Variants in ST7 observed in about 807,000 individuals in gnomAD.
ST7 encodes the protein suppressor of tumorigenicity 7 protein.
A neutral mutation model predicts 78.7 loss-of-function variants in ST7; 28 were observed. That is an observed-to-expected ratio of 0.36 (90% CI 0.26 to 0.49). The LOEUF (loss-of-function observed/expected upper bound fraction) is 0.49, where lower values mean the gene tolerates loss of function less well. Among genes scored for constraint, ST7 ranks in the 20% least tolerant of loss-of-function variants. The pLI, the probability that ST7 is intolerant of heterozygous loss-of-function variation, is 0.99. For missense variants in ST7, 418 were observed against 696.0 expected, an observed-to-expected ratio of 0.60 and a Z score of 4.49; for synonymous variants, 247 against 249.6, an observed-to-expected ratio of 0.99 and a Z score of 0.10.
At chr7:117,099,956 A>G (rs1271419985) in intron 2 of ST7, 112 bp downstream of exon 2, 3 of 722,502 alleles carry the variant, frequency 4.2e-6, no homozygotes, top group Non-Finnish European at 6.5e-6. Context: ...TACAGTGATT[A>G]TCTTGCACAT....
chr7:117,097,908 A>ATATATATATATATATTTT, intron 1 of ST7, among the ~76,000 whole-genome samples: 9 of 30,010 alleles, frequency 3.0e-4, no homozygotes, highest in East Asian at 1.7e-3. Flanking sequence ...ATATATATAT[A>ATATATATATATATATTTT]TTTTTTTTTT....
intron 13 of ST7, among the ~76,000 whole-genome samples, chr7:117,213,664 C>T (rs1792466680): frequency 6.6e-6 from 1 of 151,908 alleles, no homozygotes; most frequent in African/African-American, 2.4e-5. Flanking sequence ...AAAACTGAAT[C>T]CTCAACCACA....
chr7:117,086,423 C>G (rs1800152888), intron 1 of ST7, among the ~76,000 whole-genome samples: 1 of 152,176 alleles, frequency 6.6e-6, no homozygotes, highest in African/African-American at 2.4e-5. Flanking sequence ...TTCTAAGGAT[C>G]TAGGCGTTAG....
chr7:117,056,666 TAAAG>T (rs1471153850), intron 1 of ST7, among the ~76,000 whole-genome samples: 3 of 151,706 alleles, frequency 2.0e-5, no homozygotes, highest in South Asian at 2.1e-4. Context: ...TTAAAAAAAA[TAAAG>T]AAGATAAAAT....
intron 1 of ST7, among the ~76,000 whole-genome samples, chr7:117,078,302 C>A (rs998101833): frequency 2.6e-5 from 4 of 152,174 alleles, no homozygotes; most frequent in African/African-American, 9.7e-5. Flanking sequence ...GGCATTTTAA[C>A]AATTTAACAG....
At chr7:117,009,237 A>C (rs1795276455) in intron 1 of ST7, among the ~76,000 whole-genome samples, 1 of 147,914 alleles carries the variant, frequency 6.8e-6, no homozygotes, top group East Asian at 2.0e-4. Flanking sequence ...TTCCTTAAAG[A>C]ACTTCTCCAC....
chr7:116,963,940 A>G (rs1018952057), intron 1 of ST7, among the ~76,000 whole-genome samples: 2 of 152,122 alleles, frequency 1.3e-5, no homozygotes, highest in African/African-American at 4.8e-5. Flanking sequence ...CTAATAAAAG[A>G]CTGTGGTTAA....
At chr7:117,114,576 TAAG>T (rs1258615388) in intron 2 of ST7, among the ~76,000 whole-genome samples, 1 of 152,216 alleles carries the variant, frequency 6.6e-6, no homozygotes, top group Non-Finnish European at 1.5e-5. Flanking sequence ...CTTTAATTCT[TAAG>T]AAGCACTTAG....
At chr7:116,989,085 A>G (rs1342408991) in intron 1 of ST7, among the ~76,000 whole-genome samples, 1 of 152,218 alleles carries the variant, frequency 6.6e-6, no homozygotes, top group Non-Finnish European at 1.5e-5. Context: ...AACAGATAAA[A>G]TCAATTTTTG....
intron 1 of ST7, among the ~76,000 whole-genome samples, chr7:117,034,865 A>G (rs1180195947): frequency 6.6e-6 from 1 of 152,208 alleles, no homozygotes; most frequent in African/African-American, 2.4e-5. Context: ...TCACTATGTA[A>G]GAAGGGAAAT....
chr7:117,044,067 T>C (rs1797366450), intron 1 of ST7, among the ~76,000 whole-genome samples: 1 of 152,190 alleles, frequency 6.6e-6, no homozygotes, highest in Admixed American at 6.5e-5. Flanking sequence ...TACGTTGTTC[T>C]TTCTCAGTAC....
At chr7:117,220,039 C>T (rs1250053125) in intron 14 of ST7, among the ~76,000 whole-genome samples, 1 of 152,150 alleles carries the variant, frequency 6.6e-6, no homozygotes, top group Non-Finnish European at 1.5e-5. Flanking sequence ...TCTCTCCTGC[C>T]ATCTCTGCCC....
intron 9 of ST7, among the ~76,000 whole-genome samples, chr7:117,163,548 G>A (rs1029306051): frequency 6.6e-6 from 1 of 152,052 alleles, no homozygotes; most frequent in Non-Finnish European, 1.5e-5. Context: ...ATAATCATGA[G>A]GTTGAGCATT....
At chr7:117,136,261 T>C (rs769792909) in intron 8 of ST7, 26 bp downstream of exon 8, 2 of 1,613,444 alleles carry the variant, frequency 1.2e-6, no homozygotes, top group Admixed American at 1.7e-5. Context: ...GGTTGATGCA[T>C]TGGGGGATCA....
chr7:117,092,715 A>G (rs1800726173), intron 1 of ST7, among the ~76,000 whole-genome samples: 2 of 152,204 alleles, frequency 1.3e-5, no homozygotes, highest in South Asian at 4.1e-4. Context: ...GTCTGAGAAA[A>G]CAGTCTGAGG....
rs533762152 is a variant in ST7, at chr7:117,135,885, C to A, written c.711-196C>A. On this transcript the variant is annotated intron_variant, in intron 7 of 15. Transcript: ENST00000323984. Reference sequence around the variant, plus strand: ...GCCCCATGCTCTTAACACTACGCATCCTACCTCTCAAGCTAAAATACAGAT... The same window carrying A: ...GCCCCATGCTCTTAACACTACGCATACTACCTCTCAAGCTAAAATACAGAT... Among the ~76,000 whole-genome samples, 10 of 152,224 alleles carry A rather than the reference C, an allele frequency of 6.6e-5. No homozygotes were observed. The South Asian group carries it at 2.1e-3, about 32-fold the overall frequency.
chr7:117,166,683 A>G (rs1345654663), intron 9 of ST7, among the ~76,000 whole-genome samples: 1 of 152,006 alleles, frequency 6.6e-6, no homozygotes, highest in Non-Finnish European at 1.5e-5. Context: ...AGGTCAGGAG[A>G]TCGAGACCAT....
rs376188643 is a variant in ST7, at chr7:117,141,283, A to T, written c.963+2751A>T. Among the ~76,000 whole-genome samples, 5 of 152,324 alleles carry T rather than the reference A, an allele frequency of 3.3e-5. No individual in the cohort carries two copies. The South Asian group carries it at 1.0e-3, about 32-fold the overall frequency. ...CAGTTAGAATGCCTTCCATGTAGAA[A>T]GCAGAATCGTTTAAAGAAATTTCTC... is the stretch of plus-strand genomic sequence containing the variant. On this transcript the variant is annotated intron_variant, in intron 9 of 15. Transcript: ENST00000323984.
At chr7:117,073,273 A>G (rs905061817) in intron 1 of ST7, 1 of 152,242 alleles carries the variant, frequency 6.6e-6, no homozygotes, top group African/African-American at 2.4e-5. Context: ...AATGAGATAG[A>G]TTTAGAAATA....
Sources: allele counts gnomAD v4.1 joint callset (sites outside exome capture counted in the v4.1 genomes callset), GRCh38; gene constraint gnomAD v4.1.1; transcripts MANE v1.5; gene names NCBI Gene and HGNC (gene_info 2026-07-23, HGNC 2026-07-21).